The following GDPD4 variants were observed in gnomAD, a reference collection of about 807,000 sequenced individuals.
The protein encoded by GDPD4 is glycerophosphodiester phosphodiesterase domain containing 4, also known as glycerophosphodiester phosphodiesterase 6.
Under a neutral mutation model 67.8 loss-of-function variants are expected in GDPD4, and 60 were observed. The ratio of observed to expected loss-of-function variants is 0.88; its 90% confidence interval spans 0.72 to 1.10. The LOEUF is 1.10. Ranked by LOEUF, GDPD4 falls within the 50% of genes least tolerant of loss-of-function variation. GDPD4 has a pLI of 0.00. For synonymous variants in GDPD4, 212 were observed against 210.9 expected (o/e 1.00, Z -0.04); for missense variants, 623 against 613.9 (o/e 1.01, Z -0.16).
intron 14 of GDPD4, among the ~76,000 whole-genome samples, chr11:77,230,771 G>A (rs1311611276): frequency 1.3e-5 from 2 of 152,074 alleles, no homozygotes; most frequent in African/African-American, 4.8e-5. Flanking sequence ...CCTACACAAC[G>A]TGACTTAGCT....
At chr11:77,260,729 C>A (rs184775391) in intron 10 of GDPD4, among the ~76,000 whole-genome samples, 1 of 151,998 alleles carries the variant, frequency 6.6e-6, no homozygotes, top group East Asian at 1.9e-4. Context: ...GTATAAAAAA[C>A]GGAAATTTAG....
intron 16 of GDPD4, among the ~76,000 whole-genome samples, chr11:77,219,719 T>G (rs113005406): frequency 1.4e-4 from 21 of 147,174 alleles, no homozygotes; most frequent in African/African-American, 5.0e-4. Flanking sequence ...GAGGGCTCTG[T>G]TCTGTTCCAT....
intron 5 of GDPD4, among the ~76,000 whole-genome samples, chr11:77,275,670 A>C (rs1655867213): frequency 6.6e-6 from 1 of 152,186 alleles, no homozygotes; most frequent in African/African-American, 2.4e-5. Flanking sequence ...TCAGGCGGAA[A>C]AGAGGTAGAA....
At chr11:77,264,052 G>C (rs906767527) in intron 10 of GDPD4, among the ~76,000 whole-genome samples, 3 of 152,066 alleles carry the variant, frequency 2.0e-5, no homozygotes, top group Non-Finnish European at 4.4e-5. Context: ...GCAATCCCCA[G>C]AAAACTTAAT....
intron 11 of GDPD4, among the ~76,000 whole-genome samples, chr11:77,252,054 G>GTTTGTTTTTTTT (rs1565523210): frequency 1.2e-4 from 5 of 42,340 alleles, no homozygotes; most frequent in Non-Finnish European, 2.0e-4. Flanking sequence ...TTGTTTGTTT[G>GTTTGTTTTTTTT]TTTTTTTTTT....
At chr11:77,294,221 C>G (rs1327991466) in intron 1 of GDPD4, among the ~76,000 whole-genome samples, 3 of 152,054 alleles carry the variant, frequency 2.0e-5, no homozygotes, top group African/African-American at 7.2e-5. Context: ...TTAGTTTTAA[C>G]GAATGAACCA....
At chr11:77,264,560 T>C (rs1214794183) in intron 10 of GDPD4, among the ~76,000 whole-genome samples, 1 of 152,092 alleles carries the variant, frequency 6.6e-6, no homozygotes, top group Non-Finnish European at 1.5e-5. Flanking sequence ...CTTTCAAAAA[T>C]GAAGGACTTC....
At chr11:77,244,096 A>G (rs1366004015) in intron 12 of GDPD4, among the ~76,000 whole-genome samples, 2 of 152,174 alleles carry the variant, frequency 1.3e-5, no homozygotes, top group Non-Finnish European at 2.9e-5. Flanking sequence ...GCTCACTGTA[A>G]GCTCCGCCAC....
At chr11:77,239,518 C>G (rs1230170070) in intron 13 of GDPD4, among the ~76,000 whole-genome samples, 1 of 152,158 alleles carries the variant, frequency 6.6e-6, no homozygotes, top group Non-Finnish European at 1.5e-5. Flanking sequence ...CATACAAAAA[C>G]CAGTAGCATT....
At chr11:77,256,293 A>G (rs1565526020) in intron 11 of GDPD4, among the ~76,000 whole-genome samples, 1 of 152,242 alleles carries the variant, frequency 6.6e-6, no homozygotes. Flanking sequence ...TTCAATATAT[A>G]CATCCTAATG....
intron 16 of GDPD4, among the ~76,000 whole-genome samples, chr11:77,223,075 T>C (rs1402314096): frequency 6.6e-6 from 1 of 152,170 alleles, no homozygotes. Flanking sequence ...CTCCATCAGG[T>C]CATTTAAGGT....
intron 15 of GDPD4, 23 bp downstream of exon 15, chr11:77,229,127 T>C: frequency 8.5e-7 from 1 of 1,174,630 alleles, no homozygotes; most frequent in Non-Finnish European, 1.2e-6. Flanking sequence ...AAAAAATTCA[T>C]TTAAAATTAT....
At chr11:77,273,074 T>C (rs113407866) in intron 5 of GDPD4, among the ~76,000 whole-genome samples, 2,490 of 152,256 alleles carry the variant, frequency 0.016, 21 homozygotes, top group African/African-American at 0.026. Context: ...TATCTAGGTA[T>C]ATCCTGCTAG....
chr11:77,247,517 A>G (rs530415743), intron 11 of GDPD4, among the ~76,000 whole-genome samples: 42 of 152,218 alleles, frequency 2.8e-4, no homozygotes, highest in Non-Finnish European at 5.1e-4. Flanking sequence ...TTAATCAGAA[A>G]AATAAACTGG....
intron 5 of GDPD4, among the ~76,000 whole-genome samples, chr11:77,271,707 C>T (rs566728526): frequency 6.6e-6 from 1 of 152,340 alleles, no homozygotes; most frequent in South Asian, 2.1e-4. Context: ...GTATCTCTTA[C>T]TCAGATTCAA....
At chr11:77,269,133 C>G in intron 8 of GDPD4, 64 bp from the exon 9 acceptor site, 1 of 1,483,076 alleles carries the variant, frequency 6.7e-7, no homozygotes. Context: ...GAAAATCATC[C>G]CAAGCAAAGC....
chr11:77,248,916 A>T, intron 11 of GDPD4, among the ~76,000 whole-genome samples: 1 of 140,834 alleles, frequency 7.1e-6, no homozygotes, highest in African/African-American at 2.6e-5. Flanking sequence ...TTTAGTAGAG[A>T]CGGTGTCACC....
chr11:77,275,674 G>A (rs1959428927), intron 5 of GDPD4, among the ~76,000 whole-genome samples: 1 of 152,180 alleles, frequency 6.6e-6, no homozygotes, highest in Non-Finnish European at 1.5e-5. Flanking sequence ...GCGGAAAAGA[G>A]GTAGAAGGAC....
rs1591519585 is a variant in GDPD4, at chr11:77,216,758, G to A, written c.*519C>T. ...CTGAGAGCCTCCGTGGCCCTTCTGT[G>A]TGCCTTTATCAACCACTCCCCACCA... On this transcript the variant is annotated 3_prime_UTR_variant, in exon 17 of 17. Coordinates refer to ENST00000315938, the MANE Select transcript of GDPD4 (RefSeq NM_182833.3). The A allele has an allele frequency of 5.0e-6, 3 of 599,772 alleles. No individual in the cohort carries two copies. In the East Asian group the frequency reaches 8.3e-5, roughly 17 times the overall value. 37.2% of individuals were successfully genotyped at this position (599,772 alleles called of 1,614,324 possible). A position where few individuals can be genotyped will look rare whatever the true frequency, so the allele number is the denominator to read the frequency against.
Sources: gnomAD v4.1 joint callset for allele counts (sites outside exome capture counted in the v4.1 genomes callset) on GRCh38, gnomAD v4.1.1 for gene constraint, MANE v1.5 for transcripts, NCBI Gene and HGNC (gene_info 2026-07-23, HGNC 2026-07-21) for gene names.